Variants in RNMT observed in about 807,000 individuals in gnomAD.
RNMT encodes the protein mRNA cap guanine-N(7) methyltransferase.
A neutral mutation model predicts 56.0 loss-of-function variants in RNMT; 27 were observed. The ratio of observed to expected loss-of-function variants is 0.48; its 90% CI spans 0.36 to 0.67. The LOEUF is 0.67. Ranked by LOEUF, RNMT falls within the 30% of genes least tolerant of loss-of-function variation. RNMT has a pLI of 0.00. For synonymous variants in RNMT, 184 were observed against 176.2 expected, an observed-to-expected ratio of 1.04 and a Z score of -0.35; for missense variants, 519 against 552.1, an observed-to-expected ratio of 0.94 and a Z score of 0.60.
At chr18:13,747,555 C>G (rs1267821792) in intron 9 of RNMT, among the ~76,000 whole-genome samples, 1 of 152,124 alleles carries the variant, frequency 6.6e-6, no homozygotes. Flanking sequence ...GCCTGAGGCT[C>G]AGAGGATAAT....
At chr18:13,757,486 C>T (rs1211934875) in intron 11 of RNMT, among the ~76,000 whole-genome samples, 1 of 152,142 alleles carries the variant, frequency 6.6e-6, no homozygotes, top group Non-Finnish European at 1.5e-5. Context: ...ACAATGTTCC[C>T]AATGTGTTTA....
chr18:13,732,200 A>T (rs1028844434), intron 3 of RNMT, among the ~76,000 whole-genome samples: 2 of 151,342 alleles, frequency 1.3e-5, no homozygotes, highest in African/African-American at 4.9e-5. Flanking sequence ...ATTTAACTAG[A>T]AACTTTTTTT....
Position 13,761,306 on chromosome 18 carries a change from A to C in RNMT, c.*1327A>C, listed in dbSNP as rs1381460060. 1 of 985,350 alleles carries C rather than the reference A, an allele frequency of 1.0e-6. No homozygotes were observed. The allele number at this position is 985,350 out of a possible 1,614,324, so 61.0% of individuals were successfully genotyped here. A position where few individuals can be genotyped will look rare whatever the true frequency, so the allele number is the denominator to read the frequency against. On this transcript the variant is annotated 3_prime_UTR_variant, in exon 12 of 12. Coordinates refer to ENST00000383314, the MANE Select transcript of RNMT (RefSeq NM_003799.3). ...TTTGCCTTAAGTCATTTTGGAAATA[A>C]GTAATACTGCATCTGACTCTGGTGG...
intron 2 of RNMT, 30 bp from the exon 3 acceptor site, chr18:13,731,446 C>T: frequency 8.2e-7 from 1 of 1,213,606 alleles, no homozygotes; most frequent in East Asian, 2.4e-5. Flanking sequence ...TTAGTGTTTA[C>T]AAGTAATACC....
Position 13,737,119 on chromosome 18 carries a change from C to T in RNMT, c.663C>T (p.Asn221=). ...DLLKWKKGRI[N]KLVCTDIADV... The stretch of plus-strand genomic sequence containing the variant: ...TGAAATGGAAAAAAGGAAGAATTAA[C>T]AAGCTAGTTTGTACTGGTAAGATAA... The change falls in exon 5 of 12, where the codon AAC becomes AAT. Residue 221 remains asparagine, a synonymous_variant. Transcript: ENST00000383314. The T allele has an allele frequency of 6.2e-7, 1 of 1,609,250 alleles. No individual in the cohort carries two copies. The highest frequency in any genetic ancestry group is 8.5e-7 in the Non-Finnish European group (1 of 1,176,132).
intron 5 of RNMT, among the ~76,000 whole-genome samples, chr18:13,738,107 A>ACCC (rs1156684767): frequency 6.6e-6 from 1 of 151,952 alleles, no homozygotes; most frequent in East Asian, 1.9e-4. Context: ...AGAGATACAT[A>ACCC]CCCCCACTAC....
At position 13,742,587 on chromosome 18, in the gene RNMT, T is replaced by C. The variant is rs947277535; in HGVS notation, c.1074T>C (p.Tyr358=). 3 of 1,613,524 alleles carry C rather than the reference T, an allele frequency of 1.9e-6. No individual in the cohort carries two copies. The highest frequency in any genetic ancestry group is 2.5e-6 in the Non-Finnish European group (3 of 1,179,664). Reference sequence around the variant, plus strand: ...ATTATCCTTTATTTGGCTGCAAATATGACTTCAACTTGGAAGGTGTTGTGG... The same window carrying C: ...ATTATCCTTTATTTGGCTGCAAATACGACTTCAACTTGGAAGGTGTTGTGG... ...KGDYPLFGCK[Y]DFNLEGVVDV... is the part of the protein sequence containing the mutation. Residue 358 remains tyrosine (Y), a synonymous_variant, in exon 8 of 12, where the codon TAT becomes TAC. Transcript: ENST00000383314.
At chr18:13,731,064 CT>C (rs2044058175) in intron 2 of RNMT, among the ~76,000 whole-genome samples, 1 of 152,202 alleles carries the variant, frequency 6.6e-6, no homozygotes, top group African/African-American at 2.4e-5. Context: ...TTTTAATATG[CT>C]CTCTACAATG....
Position 13,763,357 on chromosome 18 carries a change from C to T in RNMT, c.*3378C>T, listed in dbSNP as rs1039761209. On this transcript the variant is annotated 3_prime_UTR_variant, in exon 12 of 12. Transcript: ENST00000383314. ...CTCCCTCTCGTGCTGCTCAGTTTGTCCTCTGCTCCCATGTAGGCCTAAAGT... is the reference window on the plus strand; with the variant it reads ...CTCCCTCTCGTGCTGCTCAGTTTGTTCTCTGCTCCCATGTAGGCCTAAAGT... 1 of 325,500 alleles carries T rather than the reference C, an allele frequency of 3.1e-6. No homozygotes were observed. The highest frequency in any genetic ancestry group is 2.1e-5 in the African/African-American group (1 of 46,536). The allele number at this position is 325,500 out of a possible 1,614,324, so 20.2% of individuals were successfully genotyped here.
chr18:13,756,472 G>A (rs577304015), intron 11 of RNMT, among the ~76,000 whole-genome samples: 4 of 152,128 alleles, frequency 2.6e-5, no homozygotes, highest in African/African-American at 9.7e-5. Context: ...CACACAGAGT[G>A]GGGGACAGCA....
At position 13,761,168 on chromosome 18, in the gene RNMT, A is replaced by G. The variant is rs1481033711; in HGVS notation, c.*1189A>G. 6.1e-6 allele frequency: 6 copies of G among 985,448 alleles called. No individual in the cohort carries two copies. Among genetic ancestry groups the G allele is most frequent in the Non-Finnish European group, 6.0e-6 (5 of 829,928 alleles). 61.0% of individuals were successfully genotyped at this position (985,448 alleles called of 1,614,324 possible). A position where few individuals can be genotyped will look rare whatever the true frequency, so the allele number is the denominator to read the frequency against. ...ATTAGTGTGCATCTATTAACTGTTC[A>G]TGGTGTTAGAGTTGCAAACTTTTTA... On this transcript the variant is annotated 3_prime_UTR_variant, in exon 12 of 12. Coordinates refer to ENST00000383314, the MANE Select transcript of RNMT (RefSeq NM_003799.3).
intron 8 of RNMT, 43 bp downstream of exon 8, chr18:13,742,695 A>C (rs1344143776): frequency 2.0e-6 from 3 of 1,465,508 alleles, no homozygotes. Context: ...TTTTGTCTTA[A>C]GGGAAAGAAA....
At chr18:13,757,945 C>T (rs540448340) in intron 11 of RNMT, among the ~76,000 whole-genome samples, 1 of 152,300 alleles carries the variant, frequency 6.6e-6, no homozygotes, top group South Asian at 2.1e-4. Flanking sequence ...GTATTAGCAG[C>T]CATGAAAATA....
chr18:13,754,813 G>A (rs1299378997), intron 11 of RNMT, among the ~76,000 whole-genome samples: 1 of 152,170 alleles, frequency 6.6e-6, no homozygotes, highest in East Asian at 1.9e-4. Context: ...CCACTCTGAT[G>A]TGACAGTGAA....
chr18:13,746,688 A>T lies in RNMT; in HGVS notation c.1257+351A>T, dbSNP rs545165148. On this transcript the variant is annotated intron_variant, in intron 9 of 11. Transcript: ENST00000383314. ...GGCTTCTACGCACTAGATGCCTTCC[A>T]GTAACACTCTTGTCCCCAGTTACGA... Among the ~76,000 whole-genome samples, 23 of 152,356 alleles carry T rather than the reference A, an allele frequency of 1.5e-4. 1 individual carries two copies. The highest frequency in any genetic ancestry group is 5.5e-4 in the African/African-American group (23 of 41,586).
At chr18:13,747,078 A>C (rs187063806) in intron 9 of RNMT, among the ~76,000 whole-genome samples, 80 of 152,350 alleles carry the variant, frequency 5.3e-4, no homozygotes, top group Admixed American at 1.4e-3. Flanking sequence ...TGATCAGTAG[A>C]ATCATATTCA....
chr18:13,745,656 C>G (rs1265335117), intron 8 of RNMT, among the ~76,000 whole-genome samples: 1 of 151,608 alleles, frequency 6.6e-6, no homozygotes. Context: ...TGATGAGAGA[C>G]AGCTGAACTA....
At chr18:13,755,996 ATTGTTTGGCTGT>A (rs1393481825) in intron 11 of RNMT, among the ~76,000 whole-genome samples, 8 of 152,276 alleles carry the variant, frequency 5.3e-5, no homozygotes, top group Middle Eastern at 3.4e-3. Flanking sequence ...GCACCCCAGG[ATTGTTTGGCTGT>A]TTGATGAATT....
At position 13,760,296 on chromosome 18, in the gene RNMT, A is replaced by C. The variant is rs773021012; in HGVS notation, c.*317A>C. ...GATAAAGCAACTAAACTCTTTCCAC[A>C]GTGTTCAGATTTGTCCTGTGTGTGT... On this transcript the variant is annotated 3_prime_UTR_variant, in exon 12 of 12. Coordinates refer to ENST00000383314, the MANE Select transcript of RNMT (RefSeq NM_003799.3). 112 of 1,077,564 alleles carry C rather than the reference A, an allele frequency of 1.0e-4. No individual in the cohort carries two copies. Among genetic ancestry groups the C allele is most frequent in the Non-Finnish European group, 1.2e-4 (108 of 887,434 alleles). The allele number at this position is 1,077,564 out of a possible 1,614,324, so 66.8% of individuals were successfully genotyped here.
Sources: gnomAD v4.1 joint callset for allele counts (sites outside exome capture counted in the v4.1 genomes callset) on GRCh38, gnomAD v4.1.1 for gene constraint, MANE v1.5 for transcripts, NCBI Gene and HGNC (gene_info 2026-07-23, HGNC 2026-07-21) for gene names.